TYW1B: variants seen among roughly 807,000 people sequenced by gnomAD.
TYW1B encodes the protein tRNA-yW synthesizing protein 1 homolog B.
In TYW1B, 73 loss-of-function variants were observed where a neutral mutation model predicts 86.9. The observed-to-expected ratio is 0.84, with a 90% CI of 0.70 to 1.02. TYW1B has a LOEUF of 1.02. Among genes scored for constraint, TYW1B ranks in the 50% least tolerant of loss-of-function variants. The probability of loss-of-function intolerance (pLI) is 0.00; values close to 1 mark genes in which losing one functional copy is unlikely to be tolerated. For missense variants in TYW1B, 637 were observed against 827.4 expected, an observed-to-expected ratio of 0.77 and a Z score of 2.82; for synonymous variants, 248 against 292.8, an observed-to-expected ratio of 0.85 and a Z score of 1.56.
chr7:72,767,498 T>C (rs1413830847), intron 7 of TYW1B, among the ~76,000 whole-genome samples: 1 of 151,770 alleles, frequency 6.6e-6, no homozygotes, highest in Non-Finnish European at 1.5e-5. Flanking sequence ...TAGTCCCAGC[T>C]ACTCAGGAGG....
At chr7:72,621,814 G>A (rs564065473) in intron 12 of TYW1B, among the ~76,000 whole-genome samples, 1 of 152,306 alleles carries the variant, frequency 6.6e-6, no homozygotes, top group African/African-American at 2.4e-5. Context: ...TGACTCAGGA[G>A]TTTTCTACTC....
chr7:72,637,262 T>C (rs1182198609), intron 11 of TYW1B, among the ~76,000 whole-genome samples: 1 of 151,980 alleles, frequency 6.6e-6, no homozygotes, highest in Non-Finnish European at 1.5e-5. Context: ...GATGAAATCA[T>C]CTGGGCCTGG....
intron 11 of TYW1B, among the ~76,000 whole-genome samples, chr7:72,641,251 T>G (rs1254468573): frequency 2.0e-5 from 3 of 151,938 alleles, no homozygotes; most frequent in African/African-American, 2.4e-5. Flanking sequence ...GTCAAGAGAT[T>G]GAACAATCAA....
intron 10 of TYW1B, among the ~76,000 whole-genome samples, chr7:72,703,012 ATATATATATATATAT>A (rs1208991726): frequency 1.3e-3 from 39 of 29,260 alleles, no homozygotes; most frequent in African/African-American, 2.1e-3. Context: ...ATATATATAT[ATATATATATATATAT>A]TTTTTTTTTT....
chr7:72,690,241 C>T (rs1814113164), intron 11 of TYW1B, among the ~76,000 whole-genome samples: 1 of 152,182 alleles, frequency 6.6e-6, no homozygotes, highest in African/African-American at 2.4e-5. Context: ...GGTCACATTG[C>T]TGATAAAAGT....
At chr7:72,576,546 T>C (rs1554428566) in intron 13 of TYW1B, among the ~76,000 whole-genome samples, 1 of 142,332 alleles carries the variant, frequency 7.0e-6, no homozygotes, top group Non-Finnish European at 1.5e-5. Context: ...GGAGTCTCGC[T>C]CTGTAGCCCA....
chr7:72,817,355 C>T (rs1554479645), intron 2 of TYW1B, among the ~76,000 whole-genome samples: 2 of 152,014 alleles, frequency 1.3e-5, no homozygotes, highest in African/African-American at 4.8e-5. Flanking sequence ...TTGCAGTGAG[C>T]CGAGATCGTA....
At chr7:72,578,264 C>G (rs1379171666) in intron 13 of TYW1B, among the ~76,000 whole-genome samples, 6 of 152,102 alleles carry the variant, frequency 3.9e-5, no homozygotes, top group African/African-American at 9.7e-5. Context: ...CAGGCGACCA[C>G]CACCACGCCT....
Position 72,752,732 on chromosome 7 carries a change from AAAAC to A in TYW1B, c.965-8135_965-8132del, listed in dbSNP as rs143294618. On this transcript the variant is annotated intron_variant, in intron 7 of 13. Transcript: ENST00000620995. ...GGCGACAGAATGAGACTCCGTCTCAAAAACAAACAAACAAACAAACAAACAAAAA... is the reference window on the plus strand; with the variant it reads ...GGCGACAGAATGAGACTCCGTCTCAAAAACAAACAAACAAACAAACAAAAA... Among the ~76,000 whole-genome samples, 915 of 150,762 alleles carry A rather than the reference AAAAC, an allele frequency of 6.1e-3. 13 individuals carry two copies. Among genetic ancestry groups the A allele is most frequent in the African/African-American group, 0.02 (804 of 41,074 alleles).
At chr7:72,640,160 C>CA (rs1563041844) in intron 11 of TYW1B, among the ~76,000 whole-genome samples, 1 of 150,166 alleles carries the variant, frequency 6.7e-6, no homozygotes, top group South Asian at 2.1e-4. Context: ...CAAAAGAAAG[C>CA]AAAAAAATAG....
intron 13 of TYW1B, among the ~76,000 whole-genome samples, chr7:72,616,313 A>C (rs183350613): frequency 7.2e-5 from 11 of 152,344 alleles, no homozygotes; most frequent in African/African-American, 2.6e-4. Context: ...TGCTTCTGAC[A>C]GCTAGAAACC....
At chr7:72,776,920 G>A (rs1164406648) in intron 7 of TYW1B, among the ~76,000 whole-genome samples, 1 of 151,992 alleles carries the variant, frequency 6.6e-6, no homozygotes, top group Admixed American at 6.6e-5. Flanking sequence ...CACGTAAAAG[G>A]CCTCTCATAA....
intron 7 of TYW1B, among the ~76,000 whole-genome samples, chr7:72,765,557 C>T (rs1351791306): frequency 6.6e-6 from 1 of 152,070 alleles, no homozygotes; most frequent in Non-Finnish European, 1.5e-5. Flanking sequence ...CCTCTACCTC[C>T]TAGGTTCAAA....
At chr7:72,696,578 A>T (rs1340430234) in intron 10 of TYW1B, among the ~76,000 whole-genome samples, 2 of 152,188 alleles carry the variant, frequency 1.3e-5, no homozygotes, top group African/African-American at 4.8e-5. Flanking sequence ...TAAGATCTTG[A>T]AGAGCAAGAA....
intron 2 of TYW1B, among the ~76,000 whole-genome samples, chr7:72,824,856 C>A (rs1554481161): frequency 1.3e-5 from 2 of 151,984 alleles, no homozygotes; most frequent in Admixed American, 1.3e-4. Flanking sequence ...GTAATCCCAA[C>A]ACTTTAGGAG....
chr7:72,700,330 A>T (rs1381002253), intron 10 of TYW1B, among the ~76,000 whole-genome samples: 1 of 151,274 alleles, frequency 6.6e-6, no homozygotes, highest in Non-Finnish European at 1.5e-5. Context: ...ACCCACCACC[A>T]CGCCCAGCTA....
intron 10 of TYW1B, among the ~76,000 whole-genome samples, chr7:72,708,923 T>C (rs543172238): frequency 3.9e-4 from 60 of 152,188 alleles, no homozygotes; most frequent in Non-Finnish European, 8.2e-4. Context: ...GCAATCCTAA[T>C]CATTTTGTTT....
chr7:72,771,715 T>TC (rs2129571904), intron 7 of TYW1B, among the ~76,000 whole-genome samples: 1 of 151,486 alleles, frequency 6.6e-6, no homozygotes, highest in South Asian at 2.1e-4. Context: ...TAGCAAAATT[T>TC]TTTTTTTTTG....
Position 72,810,595 on chromosome 7 carries a change from T to G in TYW1B, c.308A>C (p.Glu103Ala). 6.2e-7 allele frequency: 1 copy of G among 1,613,920 alleles called. No homozygotes were observed. The highest frequency in any genetic ancestry group is 8.5e-7 in the Non-Finnish European group (1 of 1,179,852). Reference sequence around the variant, plus strand: ...TTCCTCTAACCATTTGCAGAACCACTCTGCACTTTCGGTTGGTAGGCCGTC... The same window carrying G: ...TTCCTCTAACCATTTGCAGAACCACGCTGCACTTTCGGTTGGTAGGCCGTC... ...YTDGLPTESAEWFCKWLEEAS... is the reference protein window; with the variant it reads ...YTDGLPTESAAWFCKWLEEAS... The change falls in exon 4 of 14, where the codon GAG becomes GCG. Residue 103 changes from glutamate (E) to alanine (A), a missense_variant. By Grantham distance (107) the Glu-to-Ala change is moderately radical. Coordinates refer to ENST00000620995, the MANE Select transcript of TYW1B (RefSeq NM_001145440.3).
Sources: allele counts gnomAD v4.1 joint callset (sites outside exome capture counted in the v4.1 genomes callset), GRCh38; gene constraint gnomAD v4.1.1; transcripts MANE v1.5; gene names NCBI Gene and HGNC (gene_info 2026-07-23, HGNC 2026-07-21).